TRPM6: variants seen among roughly 807,000 people sequenced by gnomAD.
TRPM6 encodes channel kinase 2.
A neutral mutation model predicts 247.6 loss-of-function variants in TRPM6; 111 were observed. The observed-to-expected ratio is 0.45, with a 90% CI of 0.38 to 0.52. The LOEUF (loss-of-function observed/expected upper bound fraction) is 0.52, where lower values mean the gene tolerates loss of function less well. Ranked by LOEUF, TRPM6 falls within the 20% of genes least tolerant of loss-of-function variation. The probability of loss-of-function intolerance (pLI) is 0.00; values close to 1 mark genes in which losing one functional copy is unlikely to be tolerated. For missense variants in TRPM6, 2,126 were observed against 2,421.5 expected, an observed-to-expected ratio of 0.88 and a Z score of 2.56; for synonymous variants, 892 against 853.8, an observed-to-expected ratio of 1.04 and a Z score of -0.78.
chr9:74,857,197 G>A (rs1830555300), intron 2 of TRPM6, among the ~76,000 whole-genome samples: 1 of 152,042 alleles, frequency 6.6e-6, no homozygotes, highest in African/African-American at 2.4e-5. Context: ...TTCTTAAGCA[G>A]GTAAAAAGAG....
intron 30 of TRPM6, among the ~76,000 whole-genome samples, 194 bp from the exon 31 acceptor site, chr9:74,748,108 T>C (rs1826114397): frequency 6.6e-6 from 1 of 152,204 alleles, no homozygotes; most frequent in Non-Finnish European, 1.5e-5. Flanking sequence ...AATGGTCCCA[T>C]AGATTATAAC....
chr9:74,758,205 C>T (rs1826499987), intron 27 of TRPM6, among the ~76,000 whole-genome samples: 1 of 152,134 alleles, frequency 6.6e-6, no homozygotes, highest in South Asian at 2.1e-4. Flanking sequence ...ATACTTCAGA[C>T]TGAAATAATA....
chr9:74,774,621 A>T (rs965192272), intron 24 of TRPM6, among the ~76,000 whole-genome samples: 1 of 152,266 alleles, frequency 6.6e-6, no homozygotes, highest in East Asian at 1.9e-4. Context: ...ACCTACCTAA[A>T]CACATAAATA....
At chr9:74,846,020 G>A (rs980298082) in intron 3 of TRPM6, among the ~76,000 whole-genome samples, 2 of 151,916 alleles carry the variant, frequency 1.3e-5, no homozygotes, top group South Asian at 4.1e-4. Flanking sequence ...TCCTCCCTAG[G>A]AAATCAATTT....
At chr9:74,767,581 C>T (rs1826870143) in intron 25 of TRPM6, among the ~76,000 whole-genome samples, 1 of 152,070 alleles carries the variant, frequency 6.6e-6, no homozygotes, top group African/African-American at 2.4e-5. Flanking sequence ...TTATGAGGTC[C>T]ATATAAATGA....
At chr9:74,737,328 TTCAA>T in intron 36 of TRPM6, 1 of 1,267,076 alleles carries the variant, frequency 7.9e-7, no homozygotes, top group East Asian at 5.6e-5. Context: ...TGACACAAGT[TTCAA>T]TCAAAGTACT....
At chr9:74,760,676 G>C (rs1826594702) in intron 27 of TRPM6, among the ~76,000 whole-genome samples, 1 of 152,174 alleles carries the variant, frequency 6.6e-6, no homozygotes, top group Non-Finnish European at 1.5e-5. Context: ...AAATTTAAAA[G>C]ATTGAGTATA....
At chr9:74,743,950 G>A (rs1456059222) in intron 32 of TRPM6, 145 bp downstream of exon 32, 2 of 799,064 alleles carry the variant, frequency 2.5e-6, no homozygotes, top group South Asian at 1.6e-5. Flanking sequence ...TTAGAAATTG[G>A]AATGTTCTTC....
At chr9:74,871,807 G>T (rs1358133426) in intron 1 of TRPM6, among the ~76,000 whole-genome samples, 1 of 151,200 alleles carries the variant, frequency 6.6e-6, no homozygotes, top group Non-Finnish European at 1.5e-5. Context: ...CACCTCCCGA[G>T]TATCTAGGAT....
intron 7 of TRPM6, among the ~76,000 whole-genome samples, chr9:74,825,843 C>T (rs1460786530): frequency 6.6e-6 from 1 of 152,028 alleles, no homozygotes; most frequent in East Asian, 1.9e-4. Context: ...CCTAATGGAT[C>T]CCTCTCTATA....
chr9:74,805,895 T>C (rs1384180223), intron 14 of TRPM6, among the ~76,000 whole-genome samples: 4 of 152,216 alleles, frequency 2.6e-5, no homozygotes, highest in Non-Finnish European at 5.9e-5. Context: ...TCAGAAAAGC[T>C]GGAACTGCTT....
chr9:74,887,517 G>T, intron 1 of TRPM6: 1 of 1,093,784 alleles, frequency 9.1e-7, no homozygotes, highest in Non-Finnish European at 1.3e-6. Flanking sequence ...CCACCGCCCC[G>T]AGCTGAACCC....
At chr9:74,839,763 C>T (rs1174723350) in intron 5 of TRPM6, among the ~76,000 whole-genome samples, 1 of 151,704 alleles carries the variant, frequency 6.6e-6, no homozygotes, top group Admixed American at 6.6e-5. Flanking sequence ...TTCCTCACAG[C>T]ACCACATATC....
chr9:74,801,182 C>T (rs1463187165), intron 16 of TRPM6, among the ~76,000 whole-genome samples: 1 of 151,078 alleles, frequency 6.6e-6, no homozygotes, highest in East Asian at 1.9e-4. Flanking sequence ...AATCAATCCT[C>T]CCACCTTGGT....
chr9:74,862,498 C>T (rs1830718921), intron 1 of TRPM6, among the ~76,000 whole-genome samples: 1 of 152,124 alleles, frequency 6.6e-6, no homozygotes, highest in Non-Finnish European at 1.5e-5. Context: ...CATCCTAAAA[C>T]ATAATCAGAT....
chr9:74,842,951 C>G (rs757665307), intron 3 of TRPM6, among the ~76,000 whole-genome samples: 8 of 152,196 alleles, frequency 5.3e-5, no homozygotes, highest in Non-Finnish European at 1.2e-4. Flanking sequence ...TTGATTAACT[C>G]TTCCTTTCAC....
Position 74,723,818 on chromosome 9 carries a change from AT to A in TRPM6, c.*794del, listed in dbSNP as rs1825218582. Reference sequence around the variant, plus strand: ...ATCTCAAAAATAAAAATATATATATATATATATAAAATATATATATTCCATA... The same window carrying A: ...ATCTCAAAAATAAAAATATATATATAATATATAAAATATATATATTCCATA... On this transcript the variant is annotated 3_prime_UTR_variant, in exon 39 of 39. Coordinates refer to ENST00000360774, the MANE Select transcript of TRPM6 (RefSeq NM_017662.5). 2 of 146,468 alleles carry A rather than the reference AT, an allele frequency of 1.4e-5. No homozygotes were observed. Among genetic ancestry groups the A allele is most frequent in the Admixed American group, 6.9e-5 (1 of 14,496 alleles). 9.1% of individuals were successfully genotyped at this position (146,468 alleles called of 1,614,324 possible).
intron 30 of TRPM6, 51 bp downstream of exon 30, chr9:74,750,612 TA>T: frequency 1.9e-6 from 3 of 1,547,332 alleles, no homozygotes; most frequent in Non-Finnish European, 1.8e-6. Context: ...CTAACCAAGT[TA>T]AAAAAATGGA....
intron 1 of TRPM6, among the ~76,000 whole-genome samples, chr9:74,859,336 A>T (rs559487892): frequency 1.1e-3 from 175 of 152,340 alleles, no homozygotes; most frequent in African/African-American, 3.8e-3. Context: ...ACTCTCTCCC[A>T]TTCTACAGAA....
Sources: allele counts gnomAD v4.1 joint callset (sites outside exome capture counted in the v4.1 genomes callset), GRCh38; gene constraint gnomAD v4.1.1; transcripts MANE v1.5; gene names NCBI Gene and HGNC (gene_info 2026-07-23, HGNC 2026-07-21).